The following PDE4B variants were observed in gnomAD, a reference collection of about 807,000 sequenced individuals.
PDE4B encodes the protein phosphodiesterase 4B.
A neutral mutation model predicts 82.2 loss-of-function variants in PDE4B; 20 were observed. The observed-to-expected ratio is 0.24, with a 90% confidence interval of 0.17 to 0.35. The LOEUF (loss-of-function observed/expected upper bound fraction) is 0.35, where lower values mean the gene tolerates loss of function less well. Among genes scored for constraint, PDE4B ranks in the 10% least tolerant of loss-of-function variants. PDE4B has a pLI of 1.00. For synonymous variants in PDE4B, 320 were observed against 318.9 expected (o/e 1.00, Z -0.04); for missense variants, 655 against 907.2 (o/e 0.72, Z 3.57).
At chr1:66,063,829 C>A (rs1655705672) in intron 3 of PDE4B, among the ~76,000 whole-genome samples, 1 of 151,762 alleles carries the variant, frequency 6.6e-6, no homozygotes, top group Non-Finnish European at 1.5e-5. Context: ...ATGATCAAGG[C>A]CAAAATCAGA....
chr1:65,887,017 T>A (rs2100365755), intron 1 of PDE4B, among the ~76,000 whole-genome samples: 1 of 152,256 alleles, frequency 6.6e-6, no homozygotes, highest in African/African-American at 2.4e-5. Context: ...TTTCTTCACA[T>A]TCTCACCAGC....
chr1:65,989,235 T>C (rs1278565975), intron 3 of PDE4B, among the ~76,000 whole-genome samples: 2 of 152,170 alleles, frequency 1.3e-5, no homozygotes, highest in African/African-American at 4.8e-5. Flanking sequence ...GCACGGTGGC[T>C]TGCACCTGTA....
intron 1 of PDE4B, among the ~76,000 whole-genome samples, chr1:65,857,717 C>G (rs1047371656): frequency 1.3e-5 from 2 of 152,140 alleles, no homozygotes; most frequent in African/African-American, 2.4e-5. Context: ...ATTGTAACAT[C>G]TCTGTTGCCA....
At chr1:65,808,959 G>T (rs957726266) in intron 1 of PDE4B, among the ~76,000 whole-genome samples, 1 of 152,078 alleles carries the variant, frequency 6.6e-6, no homozygotes, top group Non-Finnish European at 1.5e-5. Flanking sequence ...AATATGTTTA[G>T]GTTTTAACAG....
intron 8 of PDE4B, among the ~76,000 whole-genome samples, chr1:66,350,936 C>G (rs915441781): frequency 6.6e-6 from 1 of 152,154 alleles, no homozygotes; most frequent in Admixed American, 6.5e-5. Flanking sequence ...TACCTATTCT[C>G]TACTTTTAAA....
Position 66,355,565 on chromosome 1 carries a change from A to G in PDE4B, c.786A>G (p.Ser262=). ...RMLNRELTHL[S]EMSRSGNQVS... ...TGAACCGGGAGCTGACACACCTCTC[A>G]GAGATGAGCCGATCAGGGAACCAGG... The change falls in exon 9 of 17, where the codon TCA becomes TCG. Residue 262 remains serine (S), a synonymous_variant. Transcript: ENST00000341517. 6.2e-7 allele frequency: 1 copy of G among 1,612,916 alleles called. No individual in the cohort carries two copies. Among genetic ancestry groups the G allele is most frequent in the Non-Finnish European group, 8.5e-7 (1 of 1,179,050 alleles).
At position 65,891,118 on chromosome 1, in the gene PDE4B, CTT is replaced by C. The variant is rs2100385592; in HGVS notation, c.-70-22126_-70-22125del. Among the ~76,000 whole-genome samples, 2 of 152,180 alleles carry C rather than the reference CTT, an allele frequency of 1.3e-5. 1 individual carries two copies. Among genetic ancestry groups the C allele is most frequent in the South Asian group, 4.1e-4 (2 of 4,824 alleles). On this transcript the variant is annotated intron_variant, in intron 1 of 16. Transcript: ENST00000341517. The stretch of plus-strand genomic sequence containing the variant: ...AGTGTGTGATTAGATGTAAGTAAAA[CTT>C]ATTATCATTTGCCATTTGTGGAAAT...
intron 1 of PDE4B, among the ~76,000 whole-genome samples, chr1:65,807,875 G>A (rs1322583574): frequency 6.6e-6 from 1 of 152,228 alleles, no homozygotes; most frequent in African/African-American, 2.4e-5. Context: ...AGTAGTTACT[G>A]CTTTGGAGAC....
chr1:65,938,174 C>G (rs906606480), intron 3 of PDE4B, among the ~76,000 whole-genome samples: 4 of 152,162 alleles, frequency 2.6e-5, no homozygotes, highest in Non-Finnish European at 5.9e-5. Context: ...AACCTGGGCT[C>G]TCCTCCACTG....
chr1:65,878,364 A>C (rs1046391438), intron 1 of PDE4B, among the ~76,000 whole-genome samples: 3 of 152,246 alleles, frequency 2.0e-5, no homozygotes, highest in South Asian at 4.1e-4. Context: ...CATTTGACCC[A>C]GCAATCCCAT....
intron 3 of PDE4B, among the ~76,000 whole-genome samples, chr1:66,145,158 A>G (rs1274368553): frequency 2.0e-5 from 3 of 152,134 alleles, no homozygotes; most frequent in South Asian, 4.1e-4. Flanking sequence ...ATCACCCCCT[A>G]TATGACAGAC....
intron 3 of PDE4B, among the ~76,000 whole-genome samples, chr1:66,046,747 G>T (rs1557522101): frequency 6.6e-6 from 1 of 151,798 alleles, no homozygotes; most frequent in African/African-American, 2.4e-5. Context: ...AGTGAGGGAG[G>T]CTACTCAATG....
At chr1:65,823,803 T>C (rs1235333645) in intron 1 of PDE4B, among the ~76,000 whole-genome samples, 3 of 152,198 alleles carry the variant, frequency 2.0e-5, no homozygotes, top group African/African-American at 7.2e-5. Flanking sequence ...TTTCTGCAGA[T>C]TCTAATATCT....
At chr1:66,221,662 T>A (rs916988815) in intron 3 of PDE4B, among the ~76,000 whole-genome samples, 7 of 152,140 alleles carry the variant, frequency 4.6e-5, no homozygotes, top group Non-Finnish European at 2.9e-5. Flanking sequence ...ATATTTTATG[T>A]TTTTCTTTGC....
chr1:66,182,977 T>A (rs971042561), intron 3 of PDE4B, among the ~76,000 whole-genome samples: 12 of 152,240 alleles, frequency 7.9e-5, no homozygotes, highest in African/African-American at 2.9e-4. Context: ...TATATCACAA[T>A]GAGCCACATT....
intron 3 of PDE4B, among the ~76,000 whole-genome samples, chr1:65,990,999 C>G (rs1651211379): frequency 6.6e-6 from 1 of 152,100 alleles, no homozygotes; most frequent in Non-Finnish European, 1.5e-5. Flanking sequence ...TTACTTGCTC[C>G]TACATGTAGG....
intron 3 of PDE4B, chr1:66,152,499 A>G (rs1183787704): frequency 1.2e-5 from 4 of 325,146 alleles, no homozygotes; most frequent in Non-Finnish European, 2.8e-5. Flanking sequence ...AGCCAGTATC[A>G]GTCATGGTTC....
Position 66,000,110 on chromosome 1 carries a change from TGTAAA to T in PDE4B, c.281+81281_281+81285del, listed in dbSNP as rs369267806. Among the ~76,000 whole-genome samples, 829 of 152,344 alleles carry T rather than the reference TGTAAA, an allele frequency of 5.4e-3. 4 individuals are homozygous for T. Among genetic ancestry groups the T allele is most frequent in the African/African-American group, 0.019 (783 of 41,580 alleles). ...AATCATACCTCCTAGTCTGTAGTGC[TGTAAA>T]GTAAATATTTGTCTGTAGCACTGTA... On this transcript the variant is annotated intron_variant, in intron 3 of 16. Coordinates refer to ENST00000341517, the MANE Select transcript of PDE4B (RefSeq NM_002600.4).
intron 3 of PDE4B, among the ~76,000 whole-genome samples, chr1:66,057,717 TTAAC>T (rs1456478201): frequency 1.3e-5 from 2 of 152,168 alleles, no homozygotes; most frequent in Non-Finnish European, 2.9e-5. Context: ...GTGAAACTTA[TTAAC>T]TGTCACCAGA....
Sources: gnomAD v4.1 joint callset for allele counts (sites outside exome capture counted in the v4.1 genomes callset) on GRCh38, gnomAD v4.1.1 for gene constraint, MANE v1.5 for transcripts, NCBI Gene and HGNC (gene_info 2026-07-23, HGNC 2026-07-21) for gene names.